PSME4: variants seen among roughly 807,000 people sequenced by gnomAD.
The protein encoded by PSME4 is proteasome activator complex subunit 4.
PSME4 carries 89 observed loss-of-function variants against 253.9 expected under a neutral mutation model. The ratio of observed to expected loss-of-function variants is 0.35; its 90% CI spans 0.30 to 0.42. The LOEUF (loss-of-function observed/expected upper bound fraction) is 0.42. Ranked by LOEUF, PSME4 falls within the 10% of genes least tolerant of loss-of-function variation. The pLI, the probability that PSME4 is intolerant of heterozygous loss-of-function variation, is 1.00. For synonymous variants in PSME4, 851 were observed against 759.2 expected (o/e 1.12, Z -1.99); for missense variants, 2,014 against 2,195.2 (o/e 0.92, Z 1.65).
chr2:53,936,424 T>A (rs1308044878), intron 6 of PSME4, among the ~76,000 whole-genome samples: 1 of 152,140 alleles, frequency 6.6e-6, no homozygotes, highest in Non-Finnish European at 1.5e-5. Context: ...GAAATTTTAA[T>A]CCAACAAATA....
intron 1 of PSME4, among the ~76,000 whole-genome samples, chr2:53,956,772 GA>G (rs1209392440): frequency 6.6e-6 from 1 of 151,684 alleles, no homozygotes; most frequent in Non-Finnish European, 1.5e-5. Context: ...AATTAACAAT[GA>G]AAAAATTAAT....
intron 1 of PSME4, among the ~76,000 whole-genome samples, chr2:53,963,323 C>T (rs773915310): frequency 6.6e-6 from 1 of 151,834 alleles, no homozygotes; most frequent in East Asian, 1.9e-4. Flanking sequence ...AGACCAAGAC[C>T]ATCTCTTCAA....
At chr2:53,881,541 T>C (rs1465427278) in intron 41 of PSME4, 2 of 152,150 alleles carry the variant, frequency 1.3e-5, no homozygotes, top group East Asian at 1.9e-4. Context: ...ACACTCTTTA[T>C]ATAGGAGACA....
At position 53,904,009 on chromosome 2, in the gene PSME4, G is replaced by T. The variant is rs373672607; in HGVS notation, c.3075+16C>A. 2.5e-6 allele frequency: 4 copies of T among 1,580,078 alleles called. No homozygotes were observed. The African/African-American group carries it at 5.5e-5, about 22-fold the overall frequency. On this transcript the variant is annotated intron_variant, in intron 27 of 46. Coordinates refer to ENST00000404125, the MANE Select transcript of PSME4 (RefSeq NM_014614.3). Reference sequence around the variant, plus strand: ...TTTGAAAATGTTTACAGTAAAATAGGAAAAAAACCCTATACCTTGAATTGT... The same window carrying T: ...TTTGAAAATGTTTACAGTAAAATAGTAAAAAAACCCTATACCTTGAATTGT...
chr2:53,930,438 C>G (rs1668771288), intron 10 of PSME4, among the ~76,000 whole-genome samples: 1 of 152,200 alleles, frequency 6.6e-6, no homozygotes, highest in Non-Finnish European at 1.5e-5. Context: ...TTGGCTTCTG[C>G]TACTCTGTGG....
chr2:53,883,281 C>T (rs546692713), intron 41 of PSME4, among the ~76,000 whole-genome samples: 4 of 152,242 alleles, frequency 2.6e-5, no homozygotes, highest in South Asian at 2.1e-4. Context: ...TGGAAGGCTA[C>T]GGTGGGAGGA....
intron 43 of PSME4, among the ~76,000 whole-genome samples, 178 bp downstream of exon 43, chr2:53,874,161 C>T (rs1026414677): frequency 2.0e-5 from 3 of 152,114 alleles, no homozygotes; most frequent in Non-Finnish European, 2.9e-5. Context: ...AGTCTTGCTA[C>T]GTTGTCCAGG....
chr2:53,968,552 G>C (rs1038069271), intron 1 of PSME4, among the ~76,000 whole-genome samples: 1 of 152,118 alleles, frequency 6.6e-6, no homozygotes, highest in African/African-American at 2.4e-5. Context: ...ACATGACTTA[G>C]GAAAAAAACA....
chr2:53,940,974 T>TATATATATACATATTTAA lies in PSME4; in HGVS notation c.501-975_501-974insTTAAATATGTATATATAT, dbSNP rs1558414018. Among the ~76,000 whole-genome samples, 9 of 62,644 alleles carry TATATATATACATATTTAA rather than the reference T, an allele frequency of 1.4e-4. 2 individuals carry two copies. In the East Asian group the frequency reaches 2.4e-3, roughly 17 times the overall value. 41.1% of individuals were successfully genotyped at this position (62,644 alleles called of 152,430 possible). A position where few individuals can be genotyped will look rare whatever the true frequency, so the allele number is the denominator to read the frequency against. ...ATACATATATATATATATATATATA[T>TATATATATACATATTTAA]ATATATATATATATATATATATATA... On this transcript the variant is annotated intron_variant, in intron 3 of 46. Transcript: ENST00000404125.
intron 10 of PSME4, among the ~76,000 whole-genome samples, chr2:53,930,030 TAATAAATA>T (rs530642038): frequency 7.9e-5 from 12 of 151,080 alleles, no homozygotes; most frequent in South Asian, 2.1e-4. Flanking sequence ...AATAAATAAA[TAATAAATA>T]AATAAATAAA....
chr2:53,866,239 C>T lies in PSME4; in HGVS notation c.5398-16G>A. 1 of 1,612,796 alleles carries T rather than the reference C, an allele frequency of 6.2e-7. No individual in the cohort carries two copies. The highest frequency in any genetic ancestry group is 8.5e-7 in the Non-Finnish European group (1 of 1,179,444). On this transcript the variant is annotated splice_polypyrimidine_tract_variant and intron_variant, in intron 45 of 46. Coordinates refer to ENST00000404125, the MANE Select transcript of PSME4 (RefSeq NM_014614.3). ...TTACAGTCATCTGTAAAGTAGACAACCCACATACGTTTTAACCTCTCTGGA... is the reference window on the plus strand; with the variant it reads ...TTACAGTCATCTGTAAAGTAGACAATCCACATACGTTTTAACCTCTCTGGA...
intron 20 of PSME4, among the ~76,000 whole-genome samples, chr2:53,917,534 T>C (rs775341812): frequency 1.3e-5 from 2 of 152,190 alleles, no homozygotes; most frequent in African/African-American, 2.4e-5. Context: ...TCCCTTGGCC[T>C]CTTTAGCTGA....
chr2:53,920,950 G>C lies in PSME4; in HGVS notation c.2201C>G (p.Thr734Arg). The C allele has an allele frequency of 6.2e-7, 1 of 1,614,032 alleles. No individual in the cohort carries two copies. The highest frequency in any genetic ancestry group is 2.2e-5 in the East Asian group (1 of 44,862). The change falls in exon 18 of 47, where the codon ACA becomes AGA. Residue 734 changes from threonine to arginine, a missense_variant. Coordinates refer to ENST00000404125, the MANE Select transcript of PSME4 (RefSeq NM_014614.3). Reference protein sequence around the residue: ...LLRSTTLIYPTEYCSVPGGFD... With the variant: ...LLRSTTLIYPREYCSVPGGFD... ...GCCACCTGGCACACTGCAGTATTCT[G>C]TAGGGTAGATAAGTGTGGTAGAACG...
At chr2:53,969,985 T>A (rs375666240) in intron 1 of PSME4, among the ~76,000 whole-genome samples, 241 of 152,268 alleles carry the variant, frequency 1.6e-3, no homozygotes, top group African/African-American at 5.4e-3. Flanking sequence ...CCCTTTTCGA[T>A]CAACTCCGCC....
Position 53,918,823 on chromosome 2 carries a change from C to T in PSME4, c.2516+328G>A, listed in dbSNP as rs541394559. On this transcript the variant is annotated intron_variant, in intron 20 of 46. Coordinates refer to ENST00000404125, the MANE Select transcript of PSME4 (RefSeq NM_014614.3). ...ATTCTGAATCAACATTTGCTACAGT[C>T]AAAACAAAGCAGTATTTTTCCTTTT... Among the ~76,000 whole-genome samples the T allele has an allele frequency of 9.2e-5, 14 of 152,102 alleles. No individual in the cohort carries two copies. The South Asian group carries it at 2.9e-3, about 32-fold the overall frequency.
intron 34 of PSME4, among the ~76,000 whole-genome samples, chr2:53,894,702 CT>C (rs1680063170): frequency 6.7e-6 from 1 of 150,034 alleles, no homozygotes; most frequent in South Asian, 2.1e-4. Flanking sequence ...TTAACTTTTC[CT>C]TCAAAACGCT....
Position 53,934,513 on chromosome 2 carries a change from C to T in PSME4, c.957+92G>A. ...AAGAATCAAGTCACCAACCAAGCCA[C>T]TATTATCAACTTCTGCGACTATCCA... On this transcript the variant is annotated intron_variant, in intron 8 of 46. Transcript: ENST00000404125. The T allele has an allele frequency of 3.8e-6, 5 of 1,307,752 alleles. No homozygotes were observed. The South Asian group carries it at 7.8e-5, about 20-fold the overall frequency. 81.0% of individuals were successfully genotyped at this position (1,307,752 alleles called of 1,614,324 possible).
intron 21 of PSME4, among the ~76,000 whole-genome samples, chr2:53,909,632 CA>C (rs1399439139): frequency 2.0e-5 from 3 of 151,936 alleles, no homozygotes; most frequent in Non-Finnish European, 4.4e-5. Context: ...TTTCATATAT[CA>C]AAAAAGAGAT....
intron 26 of PSME4, among the ~76,000 whole-genome samples, chr2:53,906,339 T>C (rs980301296): frequency 5.9e-5 from 9 of 152,090 alleles, no homozygotes; most frequent in African/African-American, 2.2e-4. Flanking sequence ...TACAAAAAAA[T>C]GACTAGCAAC....
Sources: gnomAD v4.1 joint callset for allele counts (sites outside exome capture counted in the v4.1 genomes callset) on GRCh38, gnomAD v4.1.1 for gene constraint, MANE v1.5 for transcripts, NCBI Gene and HGNC (gene_info 2026-07-23, HGNC 2026-07-21) for gene names.